Variants in REV1 observed in about 807,000 individuals in gnomAD.
The protein encoded by REV1 is translesion synthesis protein REV1.
Under a neutral mutation model 137.4 loss-of-function variants are expected in REV1, and 42 were observed. That is an observed-to-expected ratio of 0.31 (90% CI 0.24 to 0.40). The LOEUF (loss-of-function observed/expected upper bound fraction) is 0.40. REV1 is among the 10% of genes least tolerant of loss of function. The pLI, the probability that REV1 is intolerant of heterozygous loss-of-function variation, is 1.00. For missense variants in REV1, 1,282 were observed against 1,490.1 expected, an observed-to-expected ratio of 0.86 and a Z score of 2.30; for synonymous variants, 524 against 519.2, an observed-to-expected ratio of 1.01 and a Z score of -0.12.
Position 99,424,288 on chromosome 2 carries a change from G to T in REV1, c.1548-8C>A, listed in dbSNP as rs546688897. On this transcript the variant is annotated splice_polypyrimidine_tract_variant and splice_region_variant and intron_variant, in intron 9 of 22. Coordinates refer to ENST00000258428, the MANE Select transcript of REV1 (RefSeq NM_016316.4). ...TTCTTAATGCCAAGTTGCCTAGAGC[G>T]AGAACAAAACACAATGGAGGTTATT... The T allele has an allele frequency of 6.2e-7, 1 of 1,611,602 alleles. No homozygotes were observed. Among genetic ancestry groups the T allele is most frequent in the South Asian group, 1.1e-5 (1 of 90,412 alleles).
In REV1 at chr2:99,410,492, ACCT is replaced by A. The variant is rs1343350196; in HGVS notation, c.2345+200_2345+202del. Among the ~76,000 whole-genome samples, 6 of 152,106 alleles carry A rather than the reference ACCT, an allele frequency of 3.9e-5. No homozygotes were observed. The East Asian group carries it at 9.7e-4, about 25-fold the overall frequency. ...CAAGGTCAGCAATGCCGTCAAACCA[ACCT>A]CCTGTGTGTGGGCCTCGCTGAAACC... is the stretch of plus-strand genomic sequence containing the variant. On this transcript the variant is annotated intron_variant, in intron 14 of 22. Coordinates refer to ENST00000258428, the MANE Select transcript of REV1 (RefSeq NM_016316.4).
intron 17 of REV1, 129 bp downstream of exon 17, chr2:99,405,781 G>A: frequency 1.7e-6 from 1 of 584,016 alleles, no homozygotes; most frequent in East Asian, 3.2e-5. Context: ...CCAAACAAGT[G>A]GCCCGTTCTC....
At chr2:99,451,479 T>A (rs903395696) in intron 3 of REV1, 12 of 1,303,980 alleles carry the variant, frequency 9.2e-6, no homozygotes, top group Non-Finnish European at 1.1e-5. Context: ...TTCTTCAGTG[T>A]GAAGTGAAGC....
intron 1 of REV1, among the ~76,000 whole-genome samples, chr2:99,472,963 C>T (rs996195743): frequency 2.6e-5 from 4 of 152,128 alleles, no homozygotes; most frequent in African/African-American, 9.7e-5. Context: ...TCATTGTCTA[C>T]GGCTACAGTT....
chr2:99,402,106 C>G (rs1253459376), intron 22 of REV1, 138 bp downstream of exon 22: 2 of 545,552 alleles, frequency 3.7e-6, no homozygotes, highest in Non-Finnish European at 6.5e-6. Context: ...ACTTAGTCAA[C>G]ATGGCAAAAT....
At chr2:99,413,581 A>AT (rs1381135818) in intron 12 of REV1, among the ~76,000 whole-genome samples, 2 of 152,162 alleles carry the variant, frequency 1.3e-5, no homozygotes, top group Admixed American at 1.3e-4. Flanking sequence ...CTGAAGAGAT[A>AT]TGAACTCTCC....
chr2:99,410,552 C>A, intron 14 of REV1, 143 bp downstream of exon 14: 1 of 708,504 alleles, frequency 1.4e-6, no homozygotes, highest in Non-Finnish European at 2.2e-6. Context: ...ATGCCTTGGG[C>A]TGATGCCTGC....
chr2:99,468,120 C>T (rs926422159), intron 1 of REV1, among the ~76,000 whole-genome samples: 48 of 150,818 alleles, frequency 3.2e-4, no homozygotes, highest in Non-Finnish European at 4.9e-4. Context: ...GCGGAGGTTG[C>T]GGTGAGCCGA....
intron 1 of REV1, among the ~76,000 whole-genome samples, chr2:99,472,389 G>C (rs558035661): frequency 1.1e-4 from 16 of 152,188 alleles, no homozygotes; most frequent in Non-Finnish European, 1.6e-4. Flanking sequence ...TGGTGGTTGC[G>C]GGTGGAGTTA....
intron 19 of REV1, 183 bp downstream of exon 19, chr2:99,403,512 C>CA: frequency 3.7e-6 from 3 of 802,096 alleles, no homozygotes; most frequent in Non-Finnish European, 5.8e-6. Context: ...AAAGTACAGA[C>CA]ACAAATCCAA....
intron 12 of REV1, among the ~76,000 whole-genome samples, chr2:99,416,459 G>A (rs1242835051): frequency 6.6e-6 from 1 of 152,178 alleles, no homozygotes; most frequent in Non-Finnish European, 1.5e-5. Context: ...ATAACAGTCA[G>A]GTTAAGGATT....
intron 3 of REV1, among the ~76,000 whole-genome samples, chr2:99,451,043 T>TA (rs1682869085): frequency 6.6e-6 from 1 of 152,198 alleles, no homozygotes; most frequent in Non-Finnish European, 1.5e-5. Context: ...CAGTAGAAAT[T>TA]AAACAGCTAG....
At chr2:99,408,231 A>G (rs1676615933) in intron 14 of REV1, 100 bp from the exon 15 acceptor site, 2 of 567,670 alleles carry the variant, frequency 3.5e-6, no homozygotes, top group Admixed American at 3.3e-5. Context: ...GAAAAGTTGT[A>G]AACAGTTACA....
At position 99,408,037 on chromosome 2, in the gene REV1, T is replaced by C. The variant is rs772744691; in HGVS notation, c.2440A>G (p.Met814Val). ...FHTMKLNISD[M>V]RGVGIHVNQL... ...TGTTACTATATACTTACCCCTCTCA[T>C]ATCTGATATATTTAGTTTCATTGTA... Residue 814 changes from methionine (M) to valine (V), a missense_variant, in exon 15 of 23, where the codon ATG becomes GTG. Coordinates refer to ENST00000258428, the MANE Select transcript of REV1 (RefSeq NM_016316.4). 1.2e-5 allele frequency: 19 copies of C among 1,568,168 alleles called. No individual in the cohort carries two copies. The highest frequency in any genetic ancestry group is 1.7e-5 in the Non-Finnish European group (19 of 1,146,804).
In REV1 at chr2:99,462,589, C is replaced by G; in HGVS notation, c.88G>C (p.Glu30Gln). ...GYMAAKVQKL[E>Q]EQFRSDAAMQ... ...GCAGCATCTGATCGAAACTGTTCCT[C>G]CAATTTCTGGACCTTGGCAGCCATA... The change falls in exon 3 of 23, where the codon GAG (glutamate) becomes CAG (glutamine). Residue 30 changes from glutamate (E) to glutamine (Q), a missense_variant. Coordinates refer to ENST00000258428, the MANE Select transcript of REV1 (RefSeq NM_016316.4). 1.2e-6 allele frequency: 2 copies of G among 1,613,100 alleles called. No homozygotes were observed. The highest frequency in any genetic ancestry group is 1.7e-6 in the Non-Finnish European group (2 of 1,179,772).
In REV1 at chr2:99,405,988, C is replaced by T. The variant is rs1676236497; in HGVS notation, c.2733G>A (p.Gly911=). The part of the protein sequence containing the change: ...SPDTNKAESS[G]KWNGLHTPVS... ...CAGGAGTATGTAGACCATTCCATTT[C>T]CCTGAAGACTCAGCCTTGTTAGTAT... The change falls in exon 17 of 23, where the codon GGG becomes GGA. Residue 911 remains glycine (G), a synonymous_variant. Transcript: ENST00000258428. 4.3e-6 allele frequency: 7 copies of T among 1,613,914 alleles called. No homozygotes were observed. The highest frequency in any genetic ancestry group is 5.9e-6 in the Non-Finnish European group (7 of 1,179,976).
chr2:99,427,720 C>A (rs1679566368), intron 9 of REV1, among the ~76,000 whole-genome samples: 1 of 152,138 alleles, frequency 6.6e-6, no homozygotes, highest in South Asian at 2.1e-4. Flanking sequence ...CTAGGAATAG[C>A]CTTCTAGAAA....
intron 3 of REV1, among the ~76,000 whole-genome samples, chr2:99,459,187 G>A (rs111773613): frequency 6.9e-6 from 1 of 145,318 alleles, no homozygotes; most frequent in South Asian, 2.2e-4. Flanking sequence ...CAGCCTGGGT[G>A]ACAGAGTGAG....
chr2:99,415,722 T>C (rs1457403492), intron 12 of REV1, among the ~76,000 whole-genome samples: 1 of 152,236 alleles, frequency 6.6e-6, no homozygotes, highest in African/African-American at 2.4e-5. Context: ...GCAGACTTTA[T>C]GAATGCCTAC....
Sources: gnomAD v4.1 joint callset for allele counts (sites outside exome capture counted in the v4.1 genomes callset) on GRCh38, gnomAD v4.1.1 for gene constraint, MANE v1.5 for transcripts, NCBI Gene and HGNC (gene_info 2026-07-23, HGNC 2026-07-21) for gene names.